The following GDAP2 variants were observed in gnomAD, a reference collection of about 807,000 sequenced individuals.
GDAP2 encodes ganglioside-induced differentiation-associated protein 2.
GDAP2 carries 51 observed loss-of-function variants against 67.0 expected under a neutral mutation model. The observed-to-expected ratio is 0.76, with a 90% CI of 0.61 to 0.96. The LOEUF (loss-of-function observed/expected upper bound fraction) is 0.96, where lower values mean the gene tolerates loss of function less well. GDAP2 is among the 40% of genes least tolerant of loss of function. GDAP2 has a pLI of 0.00. For synonymous variants in GDAP2, 203 were observed against 207.3 expected, an observed-to-expected ratio of 0.98 and a Z score of 0.18; for missense variants, 547 against 588.3, an observed-to-expected ratio of 0.93 and a Z score of 0.73.
At chr1:117,875,742 T>C (rs1025880418) in intron 13 of GDAP2, among the ~76,000 whole-genome samples, 13 of 152,164 alleles carry the variant, frequency 8.5e-5, no homozygotes, top group African/African-American at 2.9e-4. Flanking sequence ...ATTTTGGAGA[T>C]TTAAGATTTA....
intron 3 of GDAP2, 42 bp downstream of exon 3, chr1:117,918,555 A>G: frequency 6.9e-7 from 1 of 1,443,344 alleles, no homozygotes; most frequent in Non-Finnish European, 9.7e-7. Flanking sequence ...CATCAAAATG[A>G]ATGTTTTCTA....
In GDAP2 at chr1:117,868,515, T is replaced by C. The variant is rs979820101; in HGVS notation, c.*2054A>G. On this transcript the variant is annotated 3_prime_UTR_variant, in exon 14 of 14. Coordinates refer to ENST00000369443, the MANE Select transcript of GDAP2 (RefSeq NM_017686.4). ...ATCATTGCCTGTAAGAAATTGTATA[T>C]ATAAATTTGCTTCCTTTCAAATTGG... The C allele has an allele frequency of 5.3e-5, 8 of 152,194 alleles. No individual in the cohort carries two copies. The highest frequency in any genetic ancestry group is 7.2e-5 in the African/African-American group (3 of 41,438). 9.4% of individuals were successfully genotyped at this position (152,194 alleles called of 1,614,324 possible).
At chr1:117,871,792 A>C (rs1557792319) in intron 13 of GDAP2, among the ~76,000 whole-genome samples, 1 of 152,192 alleles carries the variant, frequency 6.6e-6, no homozygotes. Context: ...GATAGGCTAC[A>C]TTTCTAAAAA....
At position 117,892,601 on chromosome 1, in the gene GDAP2, A is replaced by T. The variant is rs144703126; in HGVS notation, c.953+4232T>A. ...TCATGGATAAATAATCGTACAAAAT[A>T]TGTCAAAATGGCAGAAAAAAATAGC... On this transcript the variant is annotated intron_variant, in intron 8 of 13. Transcript: ENST00000369443. Among the ~76,000 whole-genome samples the T allele has an allele frequency of 4.3e-3, 650 of 152,272 alleles. 1 individual carries two copies. The highest frequency in any genetic ancestry group is 0.014 in the Middle Eastern group (4 of 294).
chr1:117,912,428 C>G (rs1361162379), intron 4 of GDAP2, 102 bp downstream of exon 4: 16 of 1,025,950 alleles, frequency 1.6e-5, no homozygotes, highest in Non-Finnish European at 2.1e-5. Flanking sequence ...TTGACTTCCA[C>G]TGCTAGGTTT....
intron 8 of GDAP2, among the ~76,000 whole-genome samples, chr1:117,891,617 T>C (rs1275602584): frequency 6.6e-6 from 1 of 152,144 alleles, no homozygotes; most frequent in Non-Finnish European, 1.5e-5. Context: ...GTTGTAGTTC[T>C]TTACACATTC....
Position 117,870,284 on chromosome 1 carries a change from A to T in GDAP2, c.*285T>A. On this transcript the variant is annotated 3_prime_UTR_variant, in exon 14 of 14. Coordinates refer to ENST00000369443, the MANE Select transcript of GDAP2 (RefSeq NM_017686.4). ...TGGAGAATTCGGTGTCCTTCAGGAA[A>T]CTAAAGATACTCAAAAGTTGCTCCC... is the stretch of plus-strand genomic sequence containing the variant. 1 of 424,374 alleles carries T rather than the reference A, an allele frequency of 2.4e-6. No homozygotes were observed. Among genetic ancestry groups the T allele is most frequent in the Non-Finnish European group, 4.2e-6 (1 of 237,328 alleles). 26.3% of individuals were successfully genotyped at this position (424,374 alleles called of 1,614,324 possible).
rs937769818 is a variant in GDAP2, at chr1:117,865,074, G to C, written c.*5495C>G. 2.0e-5 allele frequency: 3 copies of C among 152,176 alleles called. No homozygotes were observed. Among genetic ancestry groups the C allele is most frequent in the East Asian group, 1.9e-4 (1 of 5,194 alleles). 9.4% of individuals were successfully genotyped at this position (152,176 alleles called of 1,614,324 possible). On this transcript the variant is annotated 3_prime_UTR_variant, in exon 14 of 14. Coordinates refer to ENST00000369443, the MANE Select transcript of GDAP2 (RefSeq NM_017686.4). ...TCCCAGAGGCCACCCCAGAACTATTGAATCTGAATCTCCATTTAATAATAT... is the reference window on the plus strand; with the variant it reads ...TCCCAGAGGCCACCCCAGAACTATTCAATCTGAATCTCCATTTAATAATAT...
In GDAP2 at chr1:117,867,927, A is replaced by G. The variant is rs1013522647; in HGVS notation, c.*2642T>C. The G allele has an allele frequency of 6.6e-5, 10 of 152,204 alleles. No individual in the cohort carries two copies. The highest frequency in any genetic ancestry group is 1.5e-4 in the Non-Finnish European group (10 of 68,038). The allele number at this position is 152,204 out of a possible 1,614,324, so 9.4% of individuals were successfully genotyped here. On this transcript the variant is annotated 3_prime_UTR_variant, in exon 14 of 14. Coordinates refer to ENST00000369443, the MANE Select transcript of GDAP2 (RefSeq NM_017686.4). The stretch of plus-strand genomic sequence containing the variant: ...GAAGTGTACTTGTTTTAAAAATCAT[A>G]TTATGCCTTGCATGATTAATAAATT...
chr1:117,899,302 G>A, intron 6 of GDAP2, 86 bp from the exon 7 acceptor site: 1 of 844,810 alleles, frequency 1.2e-6, no homozygotes, highest in Non-Finnish European at 2.0e-6. Flanking sequence ...CATACACTGT[G>A]AAGACAACCT....
chr1:117,912,982 C>A (rs535523425), intron 3 of GDAP2, among the ~76,000 whole-genome samples: 1 of 152,256 alleles, frequency 6.6e-6, no homozygotes, highest in East Asian at 1.9e-4. Flanking sequence ...ACAGAGCAGA[C>A]AAACCTAATT....
intron 5 of GDAP2, 30 bp from the exon 6 acceptor site, chr1:117,906,612 T>C: frequency 1.7e-6 from 2 of 1,179,988 alleles, no homozygotes; most frequent in Non-Finnish European, 1.2e-6. Context: ...GATTACTCAA[T>C]AAATAAAAAA....
rs532444147 is a variant in GDAP2, at chr1:117,867,543, A to AT, written c.*3025_*3026insA. On this transcript the variant is annotated 3_prime_UTR_variant, in exon 14 of 14. Coordinates refer to ENST00000369443, the MANE Select transcript of GDAP2 (RefSeq NM_017686.4). ...GTCTCTACTGAAAAAAAAAAAAAAA[A>AT]AAAAAAAAATTAGCCAGGCATGGTG... is the stretch of plus-strand genomic sequence containing the variant. 1,821 of 157,618 alleles carry AT rather than the reference A, an allele frequency of 0.012. 30 individuals carry two copies. The highest frequency in any genetic ancestry group is 0.086 in the South Asian group (412 of 4,796). 9.8% of individuals were successfully genotyped at this position (157,618 alleles called of 1,614,324 possible). A position where few individuals can be genotyped will look rare whatever the true frequency, so the allele number is the denominator to read the frequency against.
intron 6 of GDAP2, among the ~76,000 whole-genome samples, chr1:117,902,777 A>T (rs1349730334): frequency 6.6e-6 from 1 of 152,180 alleles, no homozygotes; most frequent in African/African-American, 2.4e-5. Context: ...TTTAGGATCA[A>T]CTTGATAATT....
At chr1:117,880,929 C>G (rs79848675) in intron 12 of GDAP2, among the ~76,000 whole-genome samples, 2,027 of 152,102 alleles carry the variant, frequency 0.013, 36 homozygotes, top group South Asian at 0.092. Flanking sequence ...TTAAGAAGGA[C>G]ATTAATGAAA....
At chr1:117,917,545 T>C (rs758247848) in intron 3 of GDAP2, among the ~76,000 whole-genome samples, 1 of 152,206 alleles carries the variant, frequency 6.6e-6, no homozygotes, top group East Asian at 1.9e-4. Context: ...GGAACTGAGG[T>C]AGGAACTACT....
At chr1:117,877,830 C>G (rs733833) in intron 13 of GDAP2, 179 bp downstream of exon 13, 517,089 of 1,255,484 alleles carry the variant, frequency 0.41, 111,268 homozygotes, top group Non-Finnish European at 0.44. Flanking sequence ...TCTCTTGGGA[C>G]AAATCCTTTT....
rs892094618 is a variant in GDAP2 at position 117,864,209 on chromosome 1, T to C, written c.*6360A>G. ...ATGCTCTGAATTATTTGGATAATTG[T>C]ATTAAAACCAAATATTGGCAGAACC... On this transcript the variant is annotated 3_prime_UTR_variant, in exon 14 of 14. Coordinates refer to ENST00000369443, the MANE Select transcript of GDAP2 (RefSeq NM_017686.4). 5.3e-5 allele frequency: 8 copies of C among 152,246 alleles called. No individual in the cohort carries two copies. Among genetic ancestry groups the C allele is most frequent in the African/African-American group, 1.9e-4 (8 of 41,456 alleles). 9.4% of individuals were successfully genotyped at this position (152,246 alleles called of 1,614,324 possible).
rs1318502216 is a variant in GDAP2 at position 117,899,199 on chromosome 1, C to A, written c.654G>T (p.Leu218=). The part of the protein sequence containing the change: ...SDLEEGTYQK[L]LPLYFPRSLK... ...ATGACCTTGGGAAGTAGAGAGGTAGCAGCTTTTGGTAAGTACCCTGTGTCA... is the reference window on the plus strand; with the variant it reads ...ATGACCTTGGGAAGTAGAGAGGTAGAAGCTTTTGGTAAGTACCCTGTGTCA... Residue 218 remains leucine (L), a synonymous_variant, in exon 7 of 14, where the codon CTG becomes CTT. Coordinates refer to ENST00000369443, the MANE Select transcript of GDAP2 (RefSeq NM_017686.4). 2.5e-6 allele frequency: 4 copies of A among 1,611,492 alleles called. No homozygotes were observed. The highest frequency in any genetic ancestry group is 3.4e-6 in the Non-Finnish European group (4 of 1,177,782).
Sources: allele counts gnomAD v4.1 joint callset (sites outside exome capture counted in the v4.1 genomes callset), GRCh38; gene constraint gnomAD v4.1.1; transcripts MANE v1.5; gene names NCBI Gene and HGNC (gene_info 2026-07-23, HGNC 2026-07-21).